Variants in NR1D2 observed in about 807,000 individuals in gnomAD.
NR1D2 encodes the protein V-erbA-related protein 1-related.
Under a neutral mutation model 52.2 loss-of-function variants are expected in NR1D2, and 25 were observed. The observed-to-expected ratio is 0.48, with a 90% CI of 0.35 to 0.67. The LOEUF (loss-of-function observed/expected upper bound fraction) is 0.67, where lower values mean the gene tolerates loss of function less well. Ranked by LOEUF, NR1D2 falls within the 30% of genes least tolerant of loss-of-function variation. The pLI, the probability that NR1D2 is intolerant of heterozygous loss-of-function variation, is 0.01. For missense variants in NR1D2, 681 were observed against 707.2 expected, an observed-to-expected ratio of 0.96 and a Z score of 0.42; for synonymous variants, 259 against 230.1, an observed-to-expected ratio of 1.13 and a Z score of -1.14.
chr3:23,964,707 G>A, intron 5 of NR1D2: 1 of 296,900 alleles, frequency 3.4e-6, no homozygotes, highest in Non-Finnish European at 6.2e-6. Context: ...TTAAACCTGT[G>A]CAACAGGTGT....
chr3:23,961,920 T>C, intron 4 of NR1D2, 57 bp from the exon 5 acceptor site: 1 of 1,482,220 alleles, frequency 6.7e-7, no homozygotes, highest in Admixed American at 2.3e-5. Flanking sequence ...TGTTATTCTT[T>C]TATACAAAAC....
intron 1 of NR1D2, among the ~76,000 whole-genome samples, chr3:23,948,276 G>C (rs1313241132): frequency 6.6e-6 from 1 of 152,014 alleles, no homozygotes; most frequent in South Asian, 2.1e-4. Flanking sequence ...ACTGTCCTTC[G>C]TGACATCTCT....
chr3:23,962,131 G>A lies in NR1D2; in HGVS notation c.672G>A (p.Gln224=), dbSNP rs369039183. 1.4e-5 allele frequency: 22 copies of A among 1,614,154 alleles called. No individual in the cohort carries two copies. In the African/African-American group the frequency reaches 2.7e-4, roughly 20 times the overall value. ...ATGAACAGACAGCCTTGCCAGCCCA[G>A]GAACAGCTGCGACCCAAGCCCCAAC... ...EHHEQTALPA[Q]EQLRPKPQLE... is the part of the protein sequence containing the mutation. Residue 224 remains glutamine, a synonymous_variant, in exon 5 of 8, where the codon CAG becomes CAA. Transcript: ENST00000312521.
At chr3:23,958,462 T>C (rs578147014) in intron 3 of NR1D2, among the ~76,000 whole-genome samples, 49 of 152,014 alleles carry the variant, frequency 3.2e-4, no homozygotes, top group African/African-American at 1.2e-3. Context: ...CTGGGCAACA[T>C]AGGGAGACCC....
intron 3 of NR1D2, among the ~76,000 whole-genome samples, chr3:23,956,522 C>T (rs532988663): frequency 6.6e-6 from 1 of 152,164 alleles, no homozygotes; most frequent in South Asian, 2.1e-4. Context: ...GAATTAGGAT[C>T]TCATCATATA....
At chr3:23,967,185 T>C (rs575338996) in intron 6 of NR1D2, among the ~76,000 whole-genome samples, 23 of 151,930 alleles carry the variant, frequency 1.5e-4, no homozygotes, top group African/African-American at 5.5e-4. Context: ...CAGCTGGGCG[T>C]GGTGGCGTGT....
chr3:23,945,857 C>A (rs1705670327), intron 1 of NR1D2, among the ~76,000 whole-genome samples: 2 of 150,682 alleles, frequency 1.3e-5, no homozygotes. Context: ...CCGCGCGAGC[C>A]ACGTGCGCGC....
intron 6 of NR1D2, among the ~76,000 whole-genome samples, chr3:23,967,191 C>T (rs1217516004): frequency 2.0e-5 from 3 of 151,962 alleles, no homozygotes; most frequent in Admixed American, 6.6e-5. Context: ...GGCGTGGTGG[C>T]GTGTGCCTGT....
chr3:23,977,338 A>T lies in NR1D2; in HGVS notation c.1659A>T (p.Lys553Asn). Reference protein sequence around the residue: ...NHPNEASIFTKLLLKLPDLRS... With the variant: ...NHPNEASIFTNLLLKLPDLRS... ...CAAATGAGGCCTCTATTTTTACAAA[A>T]CTGCTTCTAAAGTTGCCAGATCTTC... The change falls in exon 8 of 8, where the codon AAA (lysine) becomes AAT (asparagine). Residue 553 changes from lysine to asparagine, a missense_variant. Physicochemically the swap from Lys to Asn is moderately conservative, Grantham distance 94. Coordinates refer to ENST00000312521, the MANE Select transcript of NR1D2 (RefSeq NM_005126.5). 1.2e-6 allele frequency: 2 copies of T among 1,613,786 alleles called. No individual in the cohort carries two copies. The highest frequency in any genetic ancestry group is 1.7e-6 in the Non-Finnish European group (2 of 1,179,836).
At chr3:23,964,218 C>A (rs757291141) in intron 5 of NR1D2, among the ~76,000 whole-genome samples, 1 of 152,020 alleles carries the variant, frequency 6.6e-6, no homozygotes, top group Non-Finnish European at 1.5e-5. Flanking sequence ...GCTGGGACTA[C>A]AGGCGCAAGC....
intron 7 of NR1D2, among the ~76,000 whole-genome samples, chr3:23,970,785 T>C (rs1455707864): frequency 6.6e-6 from 1 of 152,156 alleles, no homozygotes; most frequent in African/African-American, 2.4e-5. Context: ...TTTGTTTTTT[T>C]ATTTTTATTT....
chr3:23,945,666 G>A (rs1286320252), intron 1 of NR1D2, 72 bp downstream of exon 1: 1 of 1,039,602 alleles, frequency 9.6e-7, no homozygotes, highest in Non-Finnish European at 1.2e-6. Context: ...ACTTTGGGGG[G>A]CGGCGGCAGG....
At chr3:23,957,741 AG>A (rs1706125457) in intron 3 of NR1D2, among the ~76,000 whole-genome samples, 1 of 151,978 alleles carries the variant, frequency 6.6e-6, no homozygotes, top group Middle Eastern at 3.2e-3. Context: ...AAAAAAGTGA[AG>A]TAATATTGGG....
At position 23,971,301 on chromosome 3, in the gene NR1D2, C is replaced by CCATT. The variant is rs201185985; in HGVS notation, c.1543+3278_1543+3279insCATT. 1.8e-4 allele frequency among the ~76,000 whole-genome samples: 20 copies of CCATT among 110,896 alleles called. 5 individuals carry two copies. The highest frequency in any genetic ancestry group is 1.3e-4 in the Non-Finnish European group (7 of 54,826). 72.8% of individuals were successfully genotyped at this position (110,896 alleles called of 152,430 possible). On this transcript the variant is annotated intron_variant, in intron 7 of 7. Transcript: ENST00000312521. ...GAATATAATGCTTATATCTCTATAC[C>CCATT]TATTTTTTTTTTTTTTTTTTTTGAG...
Position 23,954,708 on chromosome 3 carries a change from T to C in NR1D2, c.188T>C (p.Ile63Thr). Residue 63 changes from isoleucine to threonine, a missense_variant, in exon 2 of 8, where the codon ATT (isoleucine) becomes ACT (threonine). Coordinates refer to ENST00000312521, the MANE Select transcript of NR1D2 (RefSeq NM_005126.5). ...GNPKNGDLAN[I>T]EGILKNDRID... ...CCCAAGAATGGTGATCTCGCCAATA[T>C]TGAAGGCATCTTGAAGAATGATCGA... 1 of 1,614,082 alleles carries C rather than the reference T, an allele frequency of 6.2e-7. No homozygotes were observed. The highest frequency in any genetic ancestry group is 8.5e-7 in the Non-Finnish European group (1 of 1,179,942).
At chr3:23,958,147 T>C (rs1434692083) in intron 3 of NR1D2, among the ~76,000 whole-genome samples, 1 of 152,230 alleles carries the variant, frequency 6.6e-6, no homozygotes. Flanking sequence ...GAACTGTCTT[T>C]CCTTGGATAG....
At position 23,961,853 on chromosome 3, in the gene NR1D2, C is replaced by T. The variant is rs190628163; in HGVS notation, c.518-124C>T. On this transcript the variant is annotated intron_variant, in intron 4 of 7. Coordinates refer to ENST00000312521, the MANE Select transcript of NR1D2 (RefSeq NM_005126.5). Reference sequence around the variant, plus strand: ...AGTTTAGAAAAATGTGGACCAGAGACATGTAGACTCATTCTTTATATGTAT... The same window carrying T: ...AGTTTAGAAAAATGTGGACCAGAGATATGTAGACTCATTCTTTATATGTAT... The T allele has an allele frequency of 5.4e-5, 47 of 872,326 alleles. No homozygotes were observed. The African/African-American group carries it at 7.6e-4, about 14-fold the overall frequency. The allele number at this position is 872,326 out of a possible 1,614,324, so 54.0% of individuals were successfully genotyped here.
chr3:23,962,469 G>T lies in NR1D2; in HGVS notation c.1010G>T (p.Cys337Phe). Reference protein sequence around the residue: ...IMHYPNGHAICIANGHCMNFS... With the variant: ...IMHYPNGHAIFIANGHCMNFS... ...CATTACCCAAATGGTCATGCCATTT[G>T]TATTGCAAATGGACATTGTATGAAC... Residue 337 changes from cysteine to phenylalanine, a missense_variant, in exon 5 of 8, where the codon TGT becomes TTT. Around this residue, in one of 3 missense-constraint regions of NR1D2, gnomAD observed 475 missense variants for 454.5 expected, o/e 1.05. Transcript: ENST00000312521. 6.2e-7 allele frequency: 1 copy of T among 1,614,204 alleles called. No individual in the cohort carries two copies.
chr3:23,966,194 G>A (rs1426860259), intron 6 of NR1D2, among the ~76,000 whole-genome samples: 5 of 152,216 alleles, frequency 3.3e-5, no homozygotes, highest in Non-Finnish European at 7.3e-5. Context: ...TTGATGTTTG[G>A]TGGGCCAAAT....
Sources: gnomAD v4.1 joint callset for allele counts (sites outside exome capture counted in the v4.1 genomes callset) on GRCh38, gnomAD v4.1.1 for gene constraint, gnomAD v4.1.1 regional missense constraint, MANE v1.5 for transcripts, NCBI Gene and HGNC (gene_info 2026-07-23, HGNC 2026-07-21) for gene names.